The following THADA variants were observed in gnomAD, a reference collection of about 807,000 sequenced individuals.
THADA encodes tRNA (32-2'-O)-methyltransferase regulator THADA.
Under a neutral mutation model 219.8 loss-of-function variants are expected in THADA, and 213 were observed. The observed-to-expected ratio is 0.97, with a 90% confidence interval of 0.87 to 1.09. The LOEUF (loss-of-function observed/expected upper bound fraction) is 1.09, where lower values mean the gene tolerates loss of function less well. THADA is among the 50% of genes least tolerant of loss of function. THADA has a pLI of 0.00. For synonymous variants in THADA, 1,018 were observed against 828.9 expected, an observed-to-expected ratio of 1.23 and a Z score of -3.92; for missense variants, 2,956 against 2,311.3, an observed-to-expected ratio of 1.28 and a Z score of -5.72.
intron 7 of THADA, among the ~76,000 whole-genome samples, chr2:43,583,382 C>A (rs1700666698): frequency 6.6e-6 from 1 of 152,224 alleles, no homozygotes; most frequent in Non-Finnish European, 1.5e-5. Flanking sequence ...CCACTCTCAT[C>A]TCTCCCTTGG....
Position 43,548,082 on chromosome 2 carries a change from C to G in THADA, c.3106+1128G>C, listed in dbSNP as rs1351599841. Among the ~76,000 whole-genome samples the G allele has an allele frequency of 2.6e-5, 4 of 152,174 alleles. No individual in the cohort carries two copies. In the South Asian group the frequency reaches 6.2e-4, roughly 24 times the overall value. On this transcript the variant is annotated intron_variant, in intron 20 of 37. Coordinates refer to ENST00000405975, the MANE Select transcript of THADA (RefSeq NM_022065.5). Reference sequence around the variant, plus strand: ...TTCTGTTTGTTAGTTTTCCTTCTAACAGACAGGACCCTCAGCTGCAGGTCT... The same window carrying G: ...TTCTGTTTGTTAGTTTTCCTTCTAAGAGACAGGACCCTCAGCTGCAGGTCT...
At chr2:43,576,069 A>T (rs1303968303) in intron 10 of THADA, among the ~76,000 whole-genome samples, 4 of 152,216 alleles carry the variant, frequency 2.6e-5, no homozygotes, top group African/African-American at 9.6e-5. Context: ...TGATGCTAAA[A>T]ACAAATTTCA....
intron 28 of THADA, among the ~76,000 whole-genome samples, chr2:43,424,091 G>T (rs1221887725): frequency 6.6e-6 from 1 of 152,180 alleles, no homozygotes; most frequent in Non-Finnish European, 1.5e-5. Flanking sequence ...TATACAAGAT[G>T]TTGGGATTGA....
chr2:43,415,944 T>C (rs1009581082), intron 28 of THADA, among the ~76,000 whole-genome samples: 1 of 152,216 alleles, frequency 6.6e-6, no homozygotes, highest in African/African-American at 2.4e-5. Context: ...TAAATTCTGA[T>C]GTCTTAAATC....
At chr2:43,262,763 A>C (rs1671102229) in intron 36 of THADA, among the ~76,000 whole-genome samples, 1 of 152,254 alleles carries the variant, frequency 6.6e-6, no homozygotes, top group Non-Finnish European at 1.5e-5. Context: ...TGCTACTCCA[A>C]GTATGATCCC....
chr2:43,594,967 T>A (rs965756142), intron 1 of THADA, among the ~76,000 whole-genome samples: 3 of 152,338 alleles, frequency 2.0e-5, no homozygotes, highest in African/African-American at 7.2e-5. Context: ...AACTTGTAAA[T>A]TTGTATATTG....
At chr2:43,550,408 A>ACAATGACCC (rs1255214666) in intron 19 of THADA, among the ~76,000 whole-genome samples, 1 of 152,248 alleles carries the variant, frequency 6.6e-6, no homozygotes. Context: ...TGAAAAACTA[A>ACAATGACCC]CAATGACCCC....
intron 22 of THADA, among the ~76,000 whole-genome samples, chr2:43,514,938 T>C (rs1691154413): frequency 1.3e-5 from 1 of 78,444 alleles, no homozygotes; most frequent in Non-Finnish European, 2.2e-5. Context: ...ATTTTACGTA[T>C]ATTTTATATA....
intron 17 of THADA, chr2:43,555,955 G>A: frequency 5.8e-6 from 1 of 172,582 alleles, no homozygotes; most frequent in South Asian, 1.7e-4. Flanking sequence ...AAAGGCAGGG[G>A]TATGACAGTT....
intron 30 of THADA, among the ~76,000 whole-genome samples, chr2:43,322,811 G>A (rs1014321700): frequency 1.3e-5 from 2 of 148,204 alleles, no homozygotes; most frequent in Admixed American, 1.4e-4. Context: ...TCAGCCTCCG[G>A]AGTAGCTGGG....
chr2:43,323,044 A>C (rs1290335298), intron 30 of THADA, among the ~76,000 whole-genome samples: 1 of 152,070 alleles, frequency 6.6e-6, no homozygotes, highest in Non-Finnish European at 1.5e-5. Context: ...ATGGCTTACT[A>C]TATACTCGGT....
At chr2:43,358,182 T>A (rs1390996726) in intron 29 of THADA, among the ~76,000 whole-genome samples, 1 of 152,146 alleles carries the variant, frequency 6.6e-6, no homozygotes, top group East Asian at 1.9e-4. Context: ...TACAGGACTG[T>A]CCTATCACCA....
chr2:43,271,124 T>G (rs1417094917), intron 36 of THADA, among the ~76,000 whole-genome samples: 1 of 152,150 alleles, frequency 6.6e-6, no homozygotes, highest in Non-Finnish European at 1.5e-5. Flanking sequence ...AACTGACAAG[T>G]ATCCACCTGC....
intron 36 of THADA, among the ~76,000 whole-genome samples, chr2:43,267,508 CG>C (rs2104245552): frequency 6.6e-6 from 1 of 152,304 alleles, no homozygotes; most frequent in East Asian, 1.9e-4. Context: ...TTTAGCTAAG[CG>C]TGTGTCCATT....
chr2:43,591,355 C>T (rs1358921073), intron 3 of THADA, among the ~76,000 whole-genome samples: 1 of 152,028 alleles, frequency 6.6e-6, no homozygotes, highest in Non-Finnish European at 1.5e-5. Context: ...GTGTCAATTA[C>T]GTGAAATGTT....
At chr2:43,257,214 G>A (rs747606412) in intron 36 of THADA, among the ~76,000 whole-genome samples, 20 of 152,350 alleles carry the variant, frequency 1.3e-4, no homozygotes, top group Admixed American at 9.1e-4. Flanking sequence ...ACAGGGGGAC[G>A]TCAGAAAGTT....
At chr2:43,455,993 C>A (rs769379126) in intron 26 of THADA, among the ~76,000 whole-genome samples, 1 of 152,136 alleles carries the variant, frequency 6.6e-6, no homozygotes, top group South Asian at 2.1e-4. Context: ...TTTGTGCAGA[C>A]GAACTGCTCG....
At chr2:43,535,783 T>C (rs1290805272) in intron 21 of THADA, among the ~76,000 whole-genome samples, 1 of 152,014 alleles carries the variant, frequency 6.6e-6, no homozygotes, top group Admixed American at 6.6e-5. Flanking sequence ...ATTTATTGTT[T>C]TGAAGGTCTT....
At chr2:43,441,008 T>TA (rs1326139173) in intron 26 of THADA, among the ~76,000 whole-genome samples, 1 of 152,212 alleles carries the variant, frequency 6.6e-6, no homozygotes, top group Non-Finnish European at 1.5e-5. Context: ...TACTGAAAAT[T>TA]AAACTTCAGT....
Sources: gnomAD v4.1 joint callset for allele counts (sites outside exome capture counted in the v4.1 genomes callset) on GRCh38, gnomAD v4.1.1 for gene constraint, MANE v1.5 for transcripts, NCBI Gene and HGNC (gene_info 2026-07-23, HGNC 2026-07-21) for gene names.